HIVEP2: variants seen among roughly 807,000 people sequenced by gnomAD.
HIVEP2 encodes the protein transcription factor HIVEP2.
HIVEP2 carries 14 observed loss-of-function variants against 180.7 expected under a neutral mutation model. That is an observed-to-expected ratio of 0.08 (90% confidence interval 0.05 to 0.12). The LOEUF is 0.12. Among genes scored for constraint, HIVEP2 ranks in the 10% least tolerant of loss-of-function variants. The probability of loss-of-function intolerance (pLI) is 1.00; values close to 1 mark genes in which losing one functional copy is unlikely to be tolerated. For synonymous variants in HIVEP2, 1,184 were observed against 1,136.4 expected, an observed-to-expected ratio of 1.04 and a Z score of -0.84; for missense variants, 2,579 against 3,008.5, an observed-to-expected ratio of 0.86 and a Z score of 3.34.
At chr6:142,754,400 T>C (rs1237561117) in intron 9 of HIVEP2, among the ~76,000 whole-genome samples, 1 of 152,210 alleles carries the variant, frequency 6.6e-6, no homozygotes, top group Non-Finnish European at 1.5e-5. Context: ...TCTTAAGTGT[T>C]GATGAGTATA....
chr6:142,821,344 G>A (rs556242238), intron 2 of HIVEP2, among the ~76,000 whole-genome samples: 7 of 151,626 alleles, frequency 4.6e-5, no homozygotes, highest in Non-Finnish European at 8.8e-5. Context: ...ACCAAAGAAA[G>A]ACAGATTGGA....
chr6:142,820,901 A>T lies in HIVEP2; in HGVS notation c.-528+16034T>A, dbSNP rs376245373. Among the ~76,000 whole-genome samples the T allele has an allele frequency of 1.7e-4, 26 of 152,294 alleles. No individual in the cohort carries two copies. The East Asian group carries it at 5.0e-3, about 29-fold the overall frequency. On this transcript the variant is annotated intron_variant, in intron 2 of 9. Transcript: ENST00000367603. ...TCTCAGCCAGCACTCAGATTTGCAGACTTTTAACTAGTTGGCAAAGCATCA... is the reference window on the plus strand; with the variant it reads ...TCTCAGCCAGCACTCAGATTTGCAGTCTTTTAACTAGTTGGCAAAGCATCA...
intron 2 of HIVEP2, among the ~76,000 whole-genome samples, chr6:142,802,061 T>C (rs926035340): frequency 1.3e-5 from 2 of 152,126 alleles, no homozygotes; most frequent in African/African-American, 2.4e-5. Context: ...CCAGCTGCTG[T>C]AACAAACAAA....
chr6:142,850,905 T>C (rs191318672), intron 1 of HIVEP2, among the ~76,000 whole-genome samples: 8 of 152,290 alleles, frequency 5.3e-5, no homozygotes, highest in Admixed American at 3.9e-4. Context: ...ACTTTGAAAA[T>C]AGTAAGCAAG....
chr6:142,774,240 G>T lies in HIVEP2; in HGVS notation c.499C>A (p.Gln167Lys), dbSNP rs1775632114. ...TCTTCTGCCTGTTCAATACTTTTCT[G>T]GGAGTATTGGCTATAAGCAGGGTTC... ...SLNPAYSQYS[Q>K]KSIEQAEEAH... The change falls in exon 5 of 10, where the codon CAG (glutamine) becomes AAG (lysine). Residue 167 changes from glutamine to lysine, a missense_variant. Gln to Lys is a moderately conservative substitution (Grantham distance 53). Around this residue, in one of 11 missense-constraint regions of HIVEP2, gnomAD observed 207 missense variants for 210.1 expected, o/e 0.99. Transcript: ENST00000367603. This position sits in a 1 kb window ranked among gnomAD's most constrained non-coding sequence, Gnocchi z 5.1. The T allele has an allele frequency of 6.2e-7, 1 of 1,614,126 alleles. No individual in the cohort carries two copies. Among genetic ancestry groups the T allele is most frequent in the Non-Finnish European group, 8.5e-7 (1 of 1,180,030 alleles).
chr6:142,846,490 T>C (rs1425842598), intron 1 of HIVEP2, among the ~76,000 whole-genome samples: 3 of 152,178 alleles, frequency 2.0e-5, no homozygotes, highest in Admixed American at 6.5e-5. Flanking sequence ...CAAACATCAT[T>C]GTTCCATTGC....
chr6:142,848,593 T>C (rs777712142), intron 1 of HIVEP2, among the ~76,000 whole-genome samples: 1 of 151,972 alleles, frequency 6.6e-6, no homozygotes, highest in Non-Finnish European at 1.5e-5. Context: ...TGGAGCATGG[T>C]GCACCTGCAG....
chr6:142,776,420 T>G (rs548164696), intron 3 of HIVEP2, among the ~76,000 whole-genome samples: 2 of 152,190 alleles, frequency 1.3e-5, no homozygotes, highest in African/African-American at 4.8e-5. Flanking sequence ...AAAAACATCA[T>G]AGTAATATTT....
chr6:142,921,097 T>C (rs1777672446), intron 1 of HIVEP2, among the ~76,000 whole-genome samples: 1 of 152,176 alleles, frequency 6.6e-6, no homozygotes, highest in South Asian at 2.1e-4. Context: ...AAGGAAAGTC[T>C]GGGATTTGAA....
intron 2 of HIVEP2, among the ~76,000 whole-genome samples, chr6:142,834,063 A>G (rs1302625573): frequency 6.6e-6 from 1 of 152,226 alleles, no homozygotes; most frequent in East Asian, 1.9e-4. Flanking sequence ...GTTATAGTAC[A>G]CCCGGAGATA....
At chr6:142,820,989 T>C (rs1777018403) in intron 2 of HIVEP2, among the ~76,000 whole-genome samples, 1 of 151,922 alleles carries the variant, frequency 6.6e-6, no homozygotes, top group Non-Finnish European at 1.5e-5. Context: ...AGAATTCAGA[T>C]ATAAATTTTC....
intron 2 of HIVEP2, among the ~76,000 whole-genome samples, chr6:142,796,158 A>T (rs556358089): frequency 2.4e-4 from 36 of 152,290 alleles, no homozygotes; most frequent in Non-Finnish European, 4.9e-4. Flanking sequence ...GTTAATGTCT[A>T]GGCCCTAACT....
intron 1 of HIVEP2, among the ~76,000 whole-genome samples, chr6:142,944,612 C>T (rs1001901814): frequency 1.4e-4 from 22 of 152,158 alleles, no homozygotes; most frequent in Admixed American, 1.3e-3. Context: ...GAGAGCCCCT[C>T]GTTAACCCCC....
In HIVEP2 at chr6:142,753,316, C is replaced by A. The variant is rs1774969448; in HGVS notation, c.7132G>T (p.Gly2378Cys). The change falls in exon 10 of 10, where the codon GGT (glycine) becomes TGT (cysteine). Residue 2378 changes from glycine (G) to cysteine (C), a missense_variant. Gly to Cys is a radical substitution (Grantham distance 159). Coordinates refer to ENST00000367603, the MANE Select transcript of HIVEP2 (RefSeq NM_006734.4). The stretch of plus-strand genomic sequence containing the variant: ...TGGGTGGCTGAGGTACAGGGCTGAC[C>A]TGGCTCAGGTCTACTAAAGTGTCTA... ...SIRHFSRPEP[G>C]QPCTSATHPD... is the part of the protein sequence containing the mutation. The A allele has an allele frequency of 6.2e-7, 1 of 1,614,062 alleles. No individual in the cohort carries two copies. Among genetic ancestry groups the A allele is most frequent in the Non-Finnish European group, 8.5e-7 (1 of 1,180,044 alleles).
chr6:142,872,045 G>A (rs557112642), intron 1 of HIVEP2, among the ~76,000 whole-genome samples: 1 of 152,260 alleles, frequency 6.6e-6, no homozygotes, highest in East Asian at 1.9e-4. Flanking sequence ...CATTACCCGA[G>A]AAAACCCCAG....
intron 3 of HIVEP2, among the ~76,000 whole-genome samples, chr6:142,780,770 A>G (rs1007894432): frequency 1.3e-5 from 2 of 152,122 alleles, no homozygotes; most frequent in Non-Finnish European, 2.9e-5. Context: ...CTGCTACTCC[A>G]CTCATGTTAT....
intron 1 of HIVEP2, among the ~76,000 whole-genome samples, chr6:142,910,976 T>C (rs1777387794): frequency 6.6e-6 from 1 of 151,938 alleles, no homozygotes; most frequent in African/African-American, 2.4e-5. Flanking sequence ...CCCTAAAGAC[T>C]CAAGTCCTCT....
At chr6:142,851,868 G>T (rs908658763) in intron 1 of HIVEP2, among the ~76,000 whole-genome samples, 1 of 152,172 alleles carries the variant, frequency 6.6e-6, no homozygotes, top group African/African-American at 2.4e-5. Flanking sequence ...AGAACCTCAC[G>T]GTGGAAGAGT....
rs1244342687 is a variant in HIVEP2, at chr6:142,761,250, G to T, written c.5620+214C>A. ...CTAAATATAAGTATTTTCAAAGTAA[G>T]GCCTTTTTTGCCCTCGGAGTCAAAA... On this transcript the variant is annotated intron_variant, in intron 8 of 9. Transcript: ENST00000367603. Among the ~76,000 whole-genome samples, 3 of 152,130 alleles carry T rather than the reference G, an allele frequency of 2.0e-5. No individual in the cohort carries two copies. The East Asian group carries it at 5.8e-4, about 29-fold the overall frequency.
Sources: allele counts gnomAD v4.1 joint callset (sites outside exome capture counted in the v4.1 genomes callset), GRCh38; gene constraint gnomAD v4.1.1; regional missense constraint gnomAD v4.1.1; non-coding constraint Gnocchi (gnomAD v3.1); transcripts MANE v1.5; gene names NCBI Gene and HGNC (gene_info 2026-07-23, HGNC 2026-07-21).